Variants in ADGRL3 observed in about 807,000 individuals in gnomAD.
ADGRL3 encodes adhesion G protein-coupled receptor L3.
ADGRL3 carries 62 observed loss-of-function variants against 153.5 expected under a neutral mutation model. The observed-to-expected ratio is 0.40, with a 90% CI of 0.33 to 0.50. ADGRL3 has a LOEUF of 0.50. Ranked by LOEUF, ADGRL3 falls within the 20% of genes least tolerant of loss-of-function variation. ADGRL3 has a pLI of 0.47. For missense variants in ADGRL3, 1,641 were observed against 1,859.4 expected, an observed-to-expected ratio of 0.88 and a Z score of 2.16; for synonymous variants, 710 against 672.5, an observed-to-expected ratio of 1.06 and a Z score of -0.86.
chr4:61,851,268 T>G (rs1279072508), intron 9 of ADGRL3, among the ~76,000 whole-genome samples: 1 of 152,078 alleles, frequency 6.6e-6, no homozygotes, highest in Non-Finnish European at 1.5e-5. Flanking sequence ...CAAGAATATT[T>G]GTTACATACT....
At chr4:61,397,933 G>A (rs1268596372) in intron 2 of ADGRL3, among the ~76,000 whole-genome samples, 2 of 151,910 alleles carry the variant, frequency 1.3e-5, no homozygotes, top group South Asian at 2.1e-4. Flanking sequence ...TATCCATGCT[G>A]TAATTTGAAC....
At chr4:61,843,547 A>C (rs943663353) in intron 9 of ADGRL3, among the ~76,000 whole-genome samples, 1 of 152,326 alleles carries the variant, frequency 6.6e-6, no homozygotes, top group East Asian at 1.9e-4. Flanking sequence ...GACTCTATGA[A>C]GGCAAAACTA....
At chr4:61,610,994 G>A (rs1048600503) in intron 5 of ADGRL3, among the ~76,000 whole-genome samples, 2 of 152,046 alleles carry the variant, frequency 1.3e-5, no homozygotes, top group African/African-American at 2.4e-5. Context: ...AGACCATTAT[G>A]TCAAAATGTT....
chr4:61,762,451 A>G (rs1421474381), intron 8 of ADGRL3, among the ~76,000 whole-genome samples: 1 of 152,166 alleles, frequency 6.6e-6, no homozygotes, highest in East Asian at 1.9e-4. Context: ...TCACAAAGTT[A>G]GTTTTGAGGT....
intron 1 of ADGRL3, among the ~76,000 whole-genome samples, chr4:61,282,866 A>G (rs1156856755): frequency 2.6e-5 from 4 of 152,108 alleles, no homozygotes; most frequent in African/African-American, 4.8e-5. Context: ...AACAGTTTAA[A>G]CCTATTCATA....
intron 13 of ADGRL3, among the ~76,000 whole-genome samples, chr4:61,915,008 C>A (rs1034247238): frequency 1.4e-4 from 22 of 151,800 alleles, no homozygotes; most frequent in Non-Finnish European, 3.2e-4. Flanking sequence ...TTTATTCTTG[C>A]GCATTTCATT....
intron 8 of ADGRL3, among the ~76,000 whole-genome samples, chr4:61,769,145 G>A (rs1210348092): frequency 2.0e-5 from 3 of 152,074 alleles, no homozygotes; most frequent in African/African-American, 4.8e-5. Context: ...CCCTTGAAAC[G>A]TGAGTGTATA....
chr4:61,856,970 T>C (rs1156234046), intron 9 of ADGRL3, among the ~76,000 whole-genome samples: 44 of 113,206 alleles, frequency 3.9e-4, no homozygotes, highest in African/African-American at 1.4e-3. Flanking sequence ...CTTTCTTTCT[T>C]TCTTTCTTTC....
At chr4:61,439,804 T>C (rs1400720821) in intron 2 of ADGRL3, among the ~76,000 whole-genome samples, 2 of 152,166 alleles carry the variant, frequency 1.3e-5, no homozygotes, top group Admixed American at 1.3e-4. Context: ...CTTGGAAGTA[T>C]AGATTTTAGA....
At chr4:61,988,825 T>C (rs2099094545) in intron 19 of ADGRL3, among the ~76,000 whole-genome samples, 1 of 152,084 alleles carries the variant, frequency 6.6e-6, no homozygotes, top group Non-Finnish European at 1.5e-5. Flanking sequence ...AAATCTGGGC[T>C]AAAAAATTGA....
intron 4 of ADGRL3, among the ~76,000 whole-genome samples, chr4:61,535,027 G>A (rs1033311047): frequency 3.3e-5 from 5 of 151,886 alleles, no homozygotes; most frequent in Admixed American, 6.6e-5. Flanking sequence ...TTTTTAGGGG[G>A]AATACTTTCA....
chr4:61,443,090 A>G (rs1334572121), intron 2 of ADGRL3, among the ~76,000 whole-genome samples: 1 of 152,156 alleles, frequency 6.6e-6, no homozygotes, highest in African/African-American at 2.4e-5. Context: ...ACTGTTTCTG[A>G]CCCTTTCTTG....
intron 2 of ADGRL3, among the ~76,000 whole-genome samples, chr4:61,459,133 CA>C (rs1249788386): frequency 1.3e-5 from 2 of 151,360 alleles, no homozygotes; most frequent in South Asian, 2.1e-4. Flanking sequence ...AATATATGGT[CA>C]AAAAAATTGT....
intron 23 of ADGRL3, among the ~76,000 whole-genome samples, chr4:62,033,990 C>T (rs1310963396): frequency 4.0e-5 from 6 of 151,474 alleles, no homozygotes; most frequent in African/African-American, 9.7e-5. Context: ...TTTAATTTTT[C>T]GTGTCTTAAC....
chr4:61,806,055 T>C (rs1457463302), intron 8 of ADGRL3, among the ~76,000 whole-genome samples: 2 of 152,230 alleles, frequency 1.3e-5, no homozygotes. Context: ...CTTTCTTTTA[T>C]GTCATTGATG....
At position 61,809,178 on chromosome 4, in the gene ADGRL3, G is replaced by A. The variant is rs544254551; in HGVS notation, c.1400-4631G>A. On this transcript the variant is annotated intron_variant, in intron 8 of 26. Coordinates refer to ENST00000683033, the MANE Select transcript of ADGRL3 (RefSeq NM_001387552.1). ...TTTGCAGCACTATATAGAAAATGGCGAAAAGTTGAGTTGAAAAATGGTATA... is the reference window on the plus strand; with the variant it reads ...TTTGCAGCACTATATAGAAAATGGCAAAAAGTTGAGTTGAAAAATGGTATA... 1.2e-4 allele frequency among the ~76,000 whole-genome samples: 18 copies of A among 152,144 alleles called. No homozygotes were observed. The South Asian group carries it at 2.5e-3, about 21-fold the overall frequency.
intron 11 of ADGRL3, among the ~76,000 whole-genome samples, chr4:61,899,573 C>T (rs577485522): frequency 2.0e-5 from 3 of 152,294 alleles, no homozygotes; most frequent in African/African-American, 7.2e-5. Context: ...TTTTCTTCTT[C>T]TCAGGGATTT....
chr4:61,814,676 G>A (rs1052304311), intron 9 of ADGRL3, among the ~76,000 whole-genome samples: 3 of 152,066 alleles, frequency 2.0e-5, no homozygotes, highest in Admixed American at 6.6e-5. Flanking sequence ...GAGGTCTGAC[G>A]TTTCTGAACA....
intron 11 of ADGRL3, among the ~76,000 whole-genome samples, chr4:61,902,534 T>C (rs1037215025): frequency 6.6e-6 from 1 of 152,170 alleles, no homozygotes; most frequent in Non-Finnish European, 1.5e-5. Flanking sequence ...TTATTCTTAA[T>C]GTAATTCCCC....
Sources: allele counts gnomAD v4.1 joint callset (sites outside exome capture counted in the v4.1 genomes callset), GRCh38; gene constraint gnomAD v4.1.1; transcripts MANE v1.5; gene names NCBI Gene and HGNC (gene_info 2026-07-23, HGNC 2026-07-21).